Variants in COL4A1 observed in about 807,000 individuals in gnomAD.
COL4A1 encodes collagen alpha-1(IV) chain.
COL4A1 carries 40 observed loss-of-function variants against 216.6 expected under a neutral mutation model. The observed-to-expected ratio is 0.18, with a 90% CI of 0.14 to 0.24. The LOEUF (loss-of-function observed/expected upper bound fraction) is 0.24, where lower values mean the gene tolerates loss of function less well. COL4A1 is among the 10% of genes least tolerant of loss of function. The pLI, the probability that COL4A1 is intolerant of heterozygous loss-of-function variation, is 1.00. For synonymous variants in COL4A1, 839 were observed against 810.7 expected (o/e 1.03, Z -0.59); for missense variants, 1,628 against 2,196.8 (o/e 0.74, Z 5.18).
intron 29 of COL4A1, among the ~76,000 whole-genome samples, chr13:110,179,882 T>A (rs1878068393): frequency 1.3e-5 from 2 of 152,218 alleles, no homozygotes; most frequent in South Asian, 4.1e-4. Flanking sequence ...AATGAAGGTT[T>A]CACAGTAAAT....
intron 45 of COL4A1, among the ~76,000 whole-genome samples, chr13:110,165,716 T>C (rs1280270895): frequency 6.6e-6 from 1 of 152,150 alleles, no homozygotes; most frequent in Non-Finnish European, 1.5e-5. Flanking sequence ...TATGGTCTGC[T>C]GTAAAGAGGA....
At chr13:110,205,274 T>C in intron 17 of COL4A1, 79 bp downstream of exon 17, 1 of 1,564,196 alleles carries the variant, frequency 6.4e-7, no homozygotes, top group Non-Finnish European at 8.8e-7. Context: ...CAGAGTCCTT[T>C]ATTCTAGGAA....
At chr13:110,205,591 G>A (rs142460594) in intron 15 of COL4A1, 53 bp from the exon 16 acceptor site, 639 of 1,594,022 alleles carry the variant, frequency 4.0e-4, no homozygotes, top group East Asian at 5.6e-4. Flanking sequence ...GACTGCGCGC[G>A]GTGGCTCATG....
chr13:110,282,817 CA>C lies in COL4A1; in HGVS notation c.84+24126del, dbSNP rs199889902. Among the ~76,000 whole-genome samples, 339 of 151,976 alleles carry C rather than the reference CA, an allele frequency of 2.2e-3. 1 individual carries two copies. Among genetic ancestry groups the C allele is most frequent in the Admixed American group, 3.4e-3 (52 of 15,280 alleles). ...ATTTAAGTATTCACAAGCTTTCTGTCAAAAAAAATCAATTTGGAAATATAAT... is the reference window on the plus strand; with the variant it reads ...ATTTAAGTATTCACAAGCTTTCTGTCAAAAAAATCAATTTGGAAATATAAT... On this transcript the variant is annotated intron_variant, in intron 1 of 51. Coordinates refer to ENST00000375820, the MANE Select transcript of COL4A1 (RefSeq NM_001845.6).
intron 23 of COL4A1, 63 bp downstream of exon 23, chr13:110,192,767 C>T (rs1309058999): frequency 9.8e-6 from 14 of 1,432,694 alleles, no homozygotes; most frequent in Non-Finnish European, 1.2e-5. Flanking sequence ...ATCCCTTTCA[C>T]AGGAAAGATG....
chr13:110,209,211 T>A (rs1879655569), intron 11 of COL4A1, among the ~76,000 whole-genome samples, 181 bp downstream of exon 11: 1 of 152,210 alleles, frequency 6.6e-6, no homozygotes, highest in Non-Finnish European at 1.5e-5. Flanking sequence ...AAGATCAATA[T>A]ATTGATAGAT....
In COL4A1 at chr13:110,198,435, C is replaced by A. The variant is rs147207534; in HGVS notation, c.1285+32G>T. ...CCCGGCACCCTGGTGTCTGCTTGCA[C>A]CCCACATTAAACCATTTCTGAGGGA... On this transcript the variant is annotated intron_variant, in intron 21 of 51. Transcript: ENST00000375820. 4,632 of 1,612,458 alleles carry A rather than the reference C, an allele frequency of 2.9e-3. 14 individuals carry two copies. Among genetic ancestry groups the A allele is most frequent in the Non-Finnish European group, 3.4e-3 (4,052 of 1,179,788 alleles).
At chr13:110,195,211 C>G in intron 21 of COL4A1, 93 bp from the exon 22 acceptor site, 2 of 1,010,360 alleles carry the variant, frequency 2.0e-6, no homozygotes, top group Admixed American at 1.9e-5. Flanking sequence ...ATATTTTAGG[C>G]TATTTGACAA....
intron 12 of COL4A1, 22 bp downstream of exon 12, chr13:110,208,827 C>T (rs537167420): frequency 1.2e-5 from 20 of 1,613,928 alleles, no homozygotes; most frequent in South Asian, 2.2e-5. Context: ...CATGAAAGCA[C>T]TCCAGAGCAA....
intron 1 of COL4A1, among the ~76,000 whole-genome samples, chr13:110,263,422 T>C (rs1158202861): frequency 6.6e-6 from 1 of 152,230 alleles, no homozygotes; most frequent in African/African-American, 2.4e-5. Flanking sequence ...GAAAGATGCA[T>C]TAAAATGAGC....
At position 110,183,041 on chromosome 13, in the gene COL4A1, C is replaced by T. The variant is rs569001394; in HGVS notation, c.2047G>A (p.Ala683Thr). The T allele has an allele frequency of 6.0e-5, 96 of 1,613,374 alleles. No individual in the cohort carries two copies. Among genetic ancestry groups the T allele is most frequent in the Middle Eastern group, 1.7e-4 (1 of 6,054 alleles). Residue 683 changes from alanine to threonine, a missense_variant, in exon 28 of 52, where the codon GCT (alanine) becomes ACT (threonine). Physicochemically the swap from Ala to Thr is moderately conservative, Grantham distance 58. This residue lies in a region of COL4A1 where 701 missense variants were observed against 892.5 expected (regional missense o/e 0.79). Transcript: ENST00000375820. Reference sequence around the variant, plus strand: ...AATCCAATGCCTGGCTGGCCCACAGCGCCCTTCTCTCCTGGCAGGCCTGGC... The same window carrying T: ...AATCCAATGCCTGGCTGGCCCACAGTGCCCTTCTCTCCTGGCAGGCCTGGC... Reference protein sequence around the residue: ...GRPGLPGEKGAVGQPGIGFPG... With the variant: ...GRPGLPGEKGTVGQPGIGFPG...
chr13:110,232,803 C>T (rs115722175), intron 2 of COL4A1, among the ~76,000 whole-genome samples: 4 of 152,150 alleles, frequency 2.6e-5, no homozygotes, highest in African/African-American at 9.6e-5. Context: ...GAATCGGCTC[C>T]CTATTTTTAA....
At chr13:110,173,090 T>G (rs959194294) in intron 40 of COL4A1, among the ~76,000 whole-genome samples, 2 of 152,100 alleles carry the variant, frequency 1.3e-5, no homozygotes, top group African/African-American at 4.8e-5. Flanking sequence ...CAGACAACCA[T>G]CCACTAATTG....
At chr13:110,303,546 G>A (rs1594130794) in intron 1 of COL4A1, among the ~76,000 whole-genome samples, 2 of 152,332 alleles carry the variant, frequency 1.3e-5, no homozygotes, top group Non-Finnish European at 2.9e-5. Context: ...CAGGCAGAAT[G>A]ACCATGTCTT....
intron 48 of COL4A1, chr13:110,161,960 C>A: frequency 1.9e-6 from 1 of 514,590 alleles, no homozygotes. Flanking sequence ...AAGATGAGAT[C>A]TAAAGTTTTA....
chr13:110,274,267 A>T (rs921833224), intron 1 of COL4A1, among the ~76,000 whole-genome samples: 6 of 152,196 alleles, frequency 3.9e-5, no homozygotes, highest in African/African-American at 1.4e-4. Context: ...TATGTAGCTC[A>T]ACTTTAAGTC....
chr13:110,161,065 A>G (rs1449548789), intron 49 of COL4A1, 127 bp downstream of exon 49: 2 of 1,028,846 alleles, frequency 1.9e-6, no homozygotes, highest in African/African-American at 3.2e-5. Context: ...AAACTCGAAT[A>G]TCACAAATAA....
At chr13:110,156,809 C>T (rs1304153918) in intron 49 of COL4A1, among the ~76,000 whole-genome samples, 3 of 152,100 alleles carry the variant, frequency 2.0e-5, no homozygotes, top group Non-Finnish European at 4.4e-5. Flanking sequence ...TTTGCATGAA[C>T]GTGGATCAGA....
chr13:110,155,463 G>T, intron 49 of COL4A1, 66 bp from the exon 50 acceptor site: 1 of 1,009,970 alleles, frequency 9.9e-7, no homozygotes. Flanking sequence ...TCCATGCACT[G>T]CCCCGTTACC....
Sources: allele counts gnomAD v4.1 joint callset (sites outside exome capture counted in the v4.1 genomes callset), GRCh38; gene constraint gnomAD v4.1.1; regional missense constraint gnomAD v4.1.1; transcripts MANE v1.5; gene names NCBI Gene and HGNC (gene_info 2026-07-23, HGNC 2026-07-21).